The following SULF1 variants were observed in gnomAD, a reference collection of about 807,000 sequenced individuals.
SULF1 encodes sulfatase 1, also known as extracellular sulfatase Sulf-1.
A neutral mutation model predicts 110.5 loss-of-function variants in SULF1; 46 were observed. The ratio of observed to expected loss-of-function variants is 0.42; its 90% CI spans 0.33 to 0.53. The LOEUF (loss-of-function observed/expected upper bound fraction) is 0.53, where lower values mean the gene tolerates loss of function less well. Ranked by LOEUF, SULF1 falls within the 20% of genes least tolerant of loss-of-function variation. The pLI is 0.12. For missense variants in SULF1, 941 were observed against 1,094.2 expected, an observed-to-expected ratio of 0.86 and a Z score of 1.98; for synonymous variants, 371 against 387.1, an observed-to-expected ratio of 0.96 and a Z score of 0.49.
rs112417317 is a variant in SULF1 at position 69,499,496 on chromosome 8, C to T, written c.-228-2378C>T. Reference sequence around the variant, plus strand: ...TACACCTGTTTATAAGGAACTGTTACAAGATGGCACCTATAGAGAAGAAAG... The same window carrying T: ...TACACCTGTTTATAAGGAACTGTTATAAGATGGCACCTATAGAGAAGAAAG... On this transcript the variant is annotated intron_variant, in intron 2 of 22. Transcript: ENST00000402687. Among the ~76,000 whole-genome samples the T allele has an allele frequency of 3.0e-3, 461 of 152,298 alleles. 1 individual carries two copies. Among genetic ancestry groups the T allele is most frequent in the African/African-American group, 0.01 (432 of 41,562 alleles).
intron 19 of SULF1, among the ~76,000 whole-genome samples, chr8:69,636,539 GAA>G (rs796254343): frequency 6.9e-6 from 1 of 144,182 alleles, no homozygotes; most frequent in African/African-American, 2.5e-5. Context: ...TCCATCTCAA[GAA>G]AAAAAAAAAA....
intron 3 of SULF1, among the ~76,000 whole-genome samples, chr8:69,512,483 A>T (rs889699212): frequency 2.6e-5 from 4 of 152,054 alleles, no homozygotes; most frequent in Non-Finnish European, 5.9e-5. Context: ...CAATGGAGAG[A>T]CTCCACCACT....
chr8:69,533,248 ATATTT>A (rs892264457), intron 3 of SULF1, among the ~76,000 whole-genome samples: 8 of 152,158 alleles, frequency 5.3e-5, no homozygotes, highest in Admixed American at 5.2e-4. Context: ...TGAGTTTTTT[ATATTT>A]TATTTTAAGT....
At chr8:69,638,343 G>A (rs892438499) in intron 19 of SULF1, 159 bp from the exon 20 acceptor site, 2 of 823,038 alleles carry the variant, frequency 2.4e-6, no homozygotes, top group African/African-American at 1.7e-5. Context: ...TTTACCTACG[G>A]GGGGAAAGGT....
chr8:69,645,547 A>C (rs939713234), intron 22 of SULF1, among the ~76,000 whole-genome samples: 9 of 152,200 alleles, frequency 5.9e-5, no homozygotes, highest in Non-Finnish European at 1.2e-4. Context: ...AAGTGCCTTG[A>C]CCAGAAATAT....
chr8:69,491,638 T>C (rs997630695), upstream of SULF1, among the ~76,000 whole-genome samples: 2 of 152,232 alleles, frequency 1.3e-5, no homozygotes, highest in African/African-American at 4.8e-5. Flanking sequence ...CTCATGAACC[T>C]ATTGCATATA....
chr8:69,479,196 C>T (rs1809419332), intron 1 of SULF1, among the ~76,000 whole-genome samples: 1 of 152,204 alleles, frequency 6.6e-6, no homozygotes, highest in African/African-American at 2.4e-5. Context: ...GTGTCACTCA[C>T]ATGCCAGCCA....
rs1349301701 is a variant in SULF1 at position 69,576,152 on chromosome 8, G to A, written c.355G>A (p.Ala119Thr). 6.2e-7 allele frequency: 1 copy of A among 1,614,172 alleles called. No homozygotes were observed. Among genetic ancestry groups the A allele is most frequent in the Non-Finnish European group, 8.5e-7 (1 of 1,180,028 alleles). Reference protein sequence around the residue: ...NENCSSPSWQAMHEPRTFAVY... With the variant: ...NENCSSPSWQTMHEPRTFAVY... ...GAACTGCTCTTCCCCCTCGTGGCAG[G>A]CCATGCATGAGCCTCGGACTTTTGC... Residue 119 changes from alanine (A) to threonine (T), a missense_variant, in exon 6 of 23, where the codon GCC becomes ACC. Transcript: ENST00000402687.
At chr8:69,468,324 C>T (rs932758243) in intron 1 of SULF1, among the ~76,000 whole-genome samples, 1 of 152,140 alleles carries the variant, frequency 6.6e-6, no homozygotes, top group African/African-American at 2.4e-5. Flanking sequence ...TTTTAGTATT[C>T]GATTGCATAA....
At chr8:69,507,770 C>T (rs147938446) in intron 3 of SULF1, among the ~76,000 whole-genome samples, 99 of 152,082 alleles carry the variant, frequency 6.5e-4, no homozygotes, top group African/African-American at 1.3e-3. Context: ...TTCAGGTGTA[C>T]GAACATATTG....
At chr8:69,554,871 C>T (rs577242027) in intron 3 of SULF1, among the ~76,000 whole-genome samples, 1 of 147,960 alleles carries the variant, frequency 6.8e-6, no homozygotes, top group Non-Finnish European at 1.5e-5. Flanking sequence ...CCCAGCTACT[C>T]GGGAGGCTGA....
chr8:69,609,173 A>T (rs1808450244), intron 13 of SULF1, among the ~76,000 whole-genome samples: 1 of 151,866 alleles, frequency 6.6e-6, no homozygotes, highest in Admixed American at 6.6e-5. Context: ...ACCTAGGGAG[A>T]CGCCGTCTCC....
At chr8:69,651,737 C>T (rs1192145839) in intron 22 of SULF1, among the ~76,000 whole-genome samples, 2 of 152,052 alleles carry the variant, frequency 1.3e-5, no homozygotes, top group Non-Finnish European at 2.9e-5. Flanking sequence ...GTGTTGCTTT[C>T]GTAATATTGA....
chr8:69,630,785 TGTA>T (rs1341311245), intron 19 of SULF1, among the ~76,000 whole-genome samples: 1 of 152,216 alleles, frequency 6.6e-6, no homozygotes, highest in African/African-American at 2.4e-5. Context: ...AATTATGAGT[TGTA>T]GTAATGCTAT....
At position 69,660,357 on chromosome 8, in the gene SULF1, T is replaced by C. The variant is rs1813027270; in HGVS notation, c.*1822T>C. The C allele has an allele frequency of 6.6e-6, 1 of 152,302 alleles. No homozygotes were observed. Among genetic ancestry groups the C allele is most frequent in the Admixed American group, 6.5e-5 (1 of 15,278 alleles). The allele number at this position is 152,302 out of a possible 1,614,324, so 9.4% of individuals were successfully genotyped here. A position where few individuals can be genotyped will look rare whatever the true frequency, so the allele number is the denominator to read the frequency against. On this transcript the variant is annotated 3_prime_UTR_variant, in exon 23 of 23. Transcript: ENST00000402687. Reference sequence around the variant, plus strand: ...GTGTTCTATGATTATTTGTAAGACCTTCACCAAGTTCTGATATCTTTTAAA... The same window carrying C: ...GTGTTCTATGATTATTTGTAAGACCCTCACCAAGTTCTGATATCTTTTAAA...
chr8:69,596,739 T>C (rs966797911), intron 8 of SULF1, among the ~76,000 whole-genome samples: 2 of 152,144 alleles, frequency 1.3e-5, no homozygotes, highest in Non-Finnish European at 2.9e-5. Context: ...GCACTTTACT[T>C]CCTCATTTGT....
Position 69,613,352 on chromosome 8 carries a change from G to GTT in SULF1, c.1378-7672_1378-7671dup, listed in dbSNP as rs534939520. Among the ~76,000 whole-genome samples, 504 of 136,762 alleles carry GTT rather than the reference G, an allele frequency of 3.7e-3. 2 individuals carry two copies. The highest frequency in any genetic ancestry group is 0.012 in the African/African-American group (436 of 37,082). 89.7% of individuals were successfully genotyped at this position (136,762 alleles called of 152,430 possible). ...TTGTTTTGGTGTAGCCAATTTTTGG[G>GTT]TTTTTTTTTTTTGTTTCTTACTCAT... On this transcript the variant is annotated intron_variant, in intron 13 of 22. Transcript: ENST00000402687.
chr8:69,649,273 CT>C (rs1812150801), intron 22 of SULF1, among the ~76,000 whole-genome samples: 1 of 152,210 alleles, frequency 6.6e-6, no homozygotes. Flanking sequence ...CTTTCACTCA[CT>C]TTCTCCACAC....
chr8:69,639,590 AGGAG>A (rs1350337366), intron 21 of SULF1, among the ~76,000 whole-genome samples: 1 of 152,228 alleles, frequency 6.6e-6, no homozygotes, highest in Non-Finnish European at 1.5e-5. Flanking sequence ...CATACAAGGA[AGGAG>A]GAAGAACTAA....
Sources: allele counts gnomAD v4.1 joint callset (sites outside exome capture counted in the v4.1 genomes callset), GRCh38; gene constraint gnomAD v4.1.1; transcripts MANE v1.5; gene names NCBI Gene and HGNC (gene_info 2026-07-23, HGNC 2026-07-21).